The following SLIT2 variants were observed in gnomAD, a reference collection of about 807,000 sequenced individuals.
The protein encoded by SLIT2 is slit homolog 2 protein.
In SLIT2, 41 loss-of-function variants were observed where a neutral mutation model predicts 185.7. The observed-to-expected ratio is 0.22, with a 90% CI of 0.17 to 0.29. The LOEUF is 0.29. Among genes scored for constraint, SLIT2 ranks in the 10% least tolerant of loss-of-function variants. The pLI is 1.00. For missense variants in SLIT2, 1,571 were observed against 1,909.0 expected (o/e 0.82, Z 3.30); for synonymous variants, 693 against 680.2 (o/e 1.02, Z -0.29).
At chr4:20,590,578 A>G (rs1484267936) in intron 30 of SLIT2, among the ~76,000 whole-genome samples, 1 of 152,158 alleles carries the variant, frequency 6.6e-6, no homozygotes, top group Non-Finnish European at 1.5e-5. Flanking sequence ...TATTTTTTGC[A>G]TGGGGTGACA....
chr4:20,259,434 G>A (rs1342446929), intron 3 of SLIT2, among the ~76,000 whole-genome samples: 1 of 151,716 alleles, frequency 6.6e-6, no homozygotes, highest in Non-Finnish European at 1.5e-5. Context: ...CCACAGGAAA[G>A]TATCTTGAGT....
intron 4 of SLIT2, among the ~76,000 whole-genome samples, chr4:20,298,385 G>A (rs894253873): frequency 6.6e-6 from 1 of 151,962 alleles, no homozygotes; most frequent in Non-Finnish European, 1.5e-5. Flanking sequence ...CACTGCACCC[G>A]GCCCTATTTT....
rs1719527013 is a variant in SLIT2 at position 20,325,770 on chromosome 4, A to G, written c.395+56889A>G. On this transcript the variant is annotated intron_variant, in intron 4 of 36. Coordinates refer to ENST00000504154, the MANE Select transcript of SLIT2 (RefSeq NM_004787.4). ...CATACTGTTTGGTATCTTTCATATA[A>G]ATCTCAAAACAATAAATACCTCTCT... 3.3e-5 allele frequency among the ~76,000 whole-genome samples: 5 copies of G among 152,234 alleles called. No homozygotes were observed. The South Asian group carries it at 1.0e-3, about 32-fold the overall frequency.
chr4:20,356,403 C>T (rs1366597457), intron 4 of SLIT2, among the ~76,000 whole-genome samples: 1 of 152,076 alleles, frequency 6.6e-6, no homozygotes, highest in African/African-American at 2.4e-5. Flanking sequence ...GTTGAGGTTA[C>T]CAGCGGTACA....
intron 4 of SLIT2, among the ~76,000 whole-genome samples, chr4:20,372,239 T>A (rs542917088): frequency 2.0e-5 from 3 of 152,046 alleles, no homozygotes; most frequent in African/African-American, 7.2e-5. Flanking sequence ...AGGAAGCAAT[T>A]ATTTTGAGAG....
chr4:20,368,412 A>G (rs1381496733), intron 4 of SLIT2, among the ~76,000 whole-genome samples: 1 of 151,984 alleles, frequency 6.6e-6, no homozygotes, highest in African/African-American at 2.4e-5. Flanking sequence ...CCCTCTGGAA[A>G]GAGAAATTTC....
chr4:20,540,478 G>C lies in SLIT2; in HGVS notation c.1976+894G>C, dbSNP rs1421131100. Among the ~76,000 whole-genome samples the C allele has an allele frequency of 2.0e-5, 3 of 151,858 alleles. No individual in the cohort carries two copies. In the East Asian group the frequency reaches 5.8e-4, roughly 29 times the overall value. ...AATAAAGAGTATTTGTAGGCCTATAGACAGAATTCAAGAAAAGTAAATAAA... is the reference window on the plus strand; with the variant it reads ...AATAAAGAGTATTTGTAGGCCTATACACAGAATTCAAGAAAAGTAAATAAA... On this transcript the variant is annotated intron_variant, in intron 19 of 36. Coordinates refer to ENST00000504154, the MANE Select transcript of SLIT2 (RefSeq NM_004787.4).
chr4:20,463,413 C>T (rs1304683422), intron 4 of SLIT2, among the ~76,000 whole-genome samples: 1 of 136,858 alleles, frequency 7.3e-6, no homozygotes, highest in African/African-American at 2.7e-5. Flanking sequence ...TCATAATTTA[C>T]TTACCATAAA....
At chr4:20,396,750 T>A (rs1306081622) in intron 4 of SLIT2, among the ~76,000 whole-genome samples, 1 of 148,498 alleles carries the variant, frequency 6.7e-6, no homozygotes, top group Non-Finnish European at 1.5e-5. Context: ...TATTTATCTC[T>A]TTTTTTTTAC....
intron 21 of SLIT2, among the ~76,000 whole-genome samples, chr4:20,543,406 C>G (rs886742971): frequency 1.1e-4 from 16 of 152,104 alleles, no homozygotes; most frequent in Admixed American, 1.3e-4. Context: ...GCTTCCATGC[C>G]CCATTCATTC....
At chr4:20,595,592 C>A in intron 30 of SLIT2, 105 bp from the exon 31 acceptor site, 1 of 1,423,224 alleles carries the variant, frequency 7.0e-7, no homozygotes. Context: ...TGAGCCTATT[C>A]TAAATAAGTA....
At chr4:20,502,037 T>C (rs903585225) in intron 9 of SLIT2, among the ~76,000 whole-genome samples, 2 of 152,216 alleles carry the variant, frequency 1.3e-5, no homozygotes, top group African/African-American at 4.8e-5. Context: ...GTAACATACA[T>C]GTTATACATA....
chr4:20,510,852 G>A (rs769109095), intron 10 of SLIT2, among the ~76,000 whole-genome samples: 19 of 152,072 alleles, frequency 1.2e-4, no homozygotes, highest in Non-Finnish European at 2.6e-4. Flanking sequence ...TCAAAAATAA[G>A]ACATAGCATC....
At chr4:20,585,728 A>C (rs61790705) in intron 29 of SLIT2, among the ~76,000 whole-genome samples, 4,484 of 152,244 alleles carry the variant, frequency 0.029, 98 homozygotes, top group Non-Finnish European at 0.045. Flanking sequence ...CCTTTCTGTC[A>C]CCTCACACTT....
In SLIT2 at chr4:20,379,361, ATACTT is replaced by A. The variant is rs529326173; in HGVS notation, c.396-88387_396-88383del. Among the ~76,000 whole-genome samples, 5 of 152,282 alleles carry A rather than the reference ATACTT, an allele frequency of 3.3e-5. No individual in the cohort carries two copies. In the East Asian group the frequency reaches 5.8e-4, roughly 18 times the overall value. On this transcript the variant is annotated intron_variant, in intron 4 of 36. Transcript: ENST00000504154. The stretch of plus-strand genomic sequence containing the variant: ...ATTTATTATAACATTTTTGAGAAGA[ATACTT>A]TACAGATGATATTATGTACTTTATT...
Position 20,305,438 on chromosome 4 carries a change from T to A in SLIT2, c.395+36557T>A, listed in dbSNP as rs139446332. 5.0e-3 allele frequency among the ~76,000 whole-genome samples: 766 copies of A among 152,264 alleles called. 14 individuals are homozygous for A. Among genetic ancestry groups the A allele is most frequent in the African/African-American group, 0.018 (749 of 41,536 alleles). On this transcript the variant is annotated intron_variant, in intron 4 of 36. Coordinates refer to ENST00000504154, the MANE Select transcript of SLIT2 (RefSeq NM_004787.4). Reference sequence around the variant, plus strand: ...TCTTTCTATTAAATTTAAGCTAATTTATATAAAACACCATGTATGGGAACC... The same window carrying A: ...TCTTTCTATTAAATTTAAGCTAATTAATATAAAACACCATGTATGGGAACC...
chr4:20,442,468 G>T (rs1027073782), intron 4 of SLIT2, among the ~76,000 whole-genome samples: 3 of 147,396 alleles, frequency 2.0e-5, no homozygotes, highest in African/African-American at 7.5e-5. Context: ...AGCTTGCAGT[G>T]AGCTGAGATC....
chr4:20,335,150 G>A (rs981444483), intron 4 of SLIT2, among the ~76,000 whole-genome samples: 1 of 152,102 alleles, frequency 6.6e-6, no homozygotes, highest in African/African-American at 2.4e-5. Flanking sequence ...AAGTCACCTG[G>A]GAATTTGGGA....
intron 16 of SLIT2, among the ~76,000 whole-genome samples, chr4:20,530,174 T>C (rs745883036): frequency 2.6e-5 from 4 of 151,950 alleles, no homozygotes; most frequent in Non-Finnish European, 5.9e-5. Flanking sequence ...ATGGAGTCCA[T>C]GCAACCAAGG....
Sources: gnomAD v4.1 joint callset for allele counts (sites outside exome capture counted in the v4.1 genomes callset) on GRCh38, gnomAD v4.1.1 for gene constraint, MANE v1.5 for transcripts, NCBI Gene and HGNC (gene_info 2026-07-23, HGNC 2026-07-21) for gene names.